Variants in SSBP3 observed in about 807,000 individuals in gnomAD.
The protein encoded by SSBP3 is single stranded DNA binding protein 3, also known as single-stranded DNA-binding protein 3.
SSBP3 carries 5 observed loss-of-function variants against 69.6 expected under a neutral mutation model. That is an observed-to-expected ratio of 0.07 (90% CI 0.04 to 0.15). The LOEUF is 0.15. Among genes scored for constraint, SSBP3 ranks in the 10% least tolerant of loss-of-function variants. The probability of loss-of-function intolerance (pLI) is 1.00; values close to 1 mark genes in which losing one functional copy is unlikely to be tolerated. For synonymous variants in SSBP3, 196 were observed against 193.4 expected (o/e 1.01, Z -0.11); for missense variants, 312 against 534.0 (o/e 0.58, Z 4.10).
At chr1:54,387,285 A>G (rs893659057) in intron 4 of SSBP3, among the ~76,000 whole-genome samples, 11 of 152,224 alleles carry the variant, frequency 7.2e-5, no homozygotes, top group African/African-American at 2.7e-4. Context: ...AAAGAACTCA[A>G]TGATTCGACT....
chr1:54,253,192 GT>G (rs554412710), intron 7 of SSBP3, among the ~76,000 whole-genome samples: 55 of 132,904 alleles, frequency 4.1e-4, no homozygotes, highest in East Asian at 1.3e-3. Context: ...TTTAGTTTTT[GT>G]TTTTTTTTTT....
In SSBP3 at chr1:54,383,609, C is replaced by A. The variant is rs535709157; in HGVS notation, c.276+18252G>T. ...AAAGGTCAACTGTAGACTTGTATGACCTGATAAAATCGCCACCAACCCTGA... is the reference window on the plus strand; with the variant it reads ...AAAGGTCAACTGTAGACTTGTATGAACTGATAAAATCGCCACCAACCCTGA... On this transcript the variant is annotated intron_variant, in intron 4 of 17. Coordinates refer to ENST00000610401, the Ensembl canonical transcript of SSBP3. 4.6e-5 allele frequency among the ~76,000 whole-genome samples: 7 copies of A among 152,214 alleles called. No individual in the cohort carries two copies. The East Asian group carries it at 1.4e-3, about 29-fold the overall frequency.
chr1:54,259,685 G>A (rs1644984824), intron 5 of SSBP3, among the ~76,000 whole-genome samples: 1 of 152,254 alleles, frequency 6.6e-6, no homozygotes, highest in Admixed American at 6.5e-5. Context: ...CTGCCCACTG[G>A]GGAGGAGGGG....
At chr1:54,277,426 C>T (rs1645308882) in intron 5 of SSBP3, among the ~76,000 whole-genome samples, 2 of 152,186 alleles carry the variant, frequency 1.3e-5, no homozygotes, top group Non-Finnish European at 2.9e-5. Flanking sequence ...TTCCGCCATC[C>T]AATCAGATGT....
At chr1:54,326,692 G>T (rs937457788) in intron 4 of SSBP3, among the ~76,000 whole-genome samples, 5 of 152,158 alleles carry the variant, frequency 3.3e-5, no homozygotes, top group African/African-American at 9.7e-5. Flanking sequence ...TACCCAGGCC[G>T]TTCCACCCAT....
intron 4 of SSBP3, among the ~76,000 whole-genome samples, chr1:54,322,592 G>A (rs1202876006): frequency 2.6e-5 from 4 of 151,734 alleles, no homozygotes; most frequent in African/African-American, 9.7e-5. Context: ...CAGGAACATG[G>A]GATCTACATT....
intron 4 of SSBP3, among the ~76,000 whole-genome samples, chr1:54,362,251 C>T (rs1466589640): frequency 2.0e-5 from 3 of 152,206 alleles, no homozygotes; most frequent in African/African-American, 7.2e-5. Flanking sequence ...AGCTCAGTAA[C>T]CCTGCCAGCA....
intron 4 of SSBP3, among the ~76,000 whole-genome samples, chr1:54,315,123 T>C (rs1646072318): frequency 6.6e-6 from 1 of 152,040 alleles, no homozygotes; most frequent in Admixed American, 6.5e-5. Context: ...CCCATAAACA[T>C]TACTGAACAA....
intron 1 of SSBP3, among the ~76,000 whole-genome samples, chr1:54,411,697 C>G (rs1210611277): frequency 6.6e-6 from 1 of 151,804 alleles, no homozygotes; most frequent in Non-Finnish European, 1.5e-5. Flanking sequence ...TCGAGACCAT[C>G]CTGGCTAACA....
intron 4 of SSBP3, among the ~76,000 whole-genome samples, chr1:54,289,364 CCT>C (rs67475376): frequency 0.071 from 10,583 of 149,894 alleles, 600 homozygotes; most frequent in Admixed American, 0.16. Flanking sequence ...GGCAAATTAC[CCT>C]GAGAGGAGGA....
intron 4 of SSBP3, among the ~76,000 whole-genome samples, chr1:54,378,589 G>T (rs760774559): frequency 1.7e-4 from 26 of 152,202 alleles, no homozygotes; most frequent in Non-Finnish European, 2.5e-4. Context: ...AACAGTCAAC[G>T]CCAAACTTCA....
chr1:54,340,795 C>T (rs778866127), intron 4 of SSBP3, among the ~76,000 whole-genome samples: 1 of 152,206 alleles, frequency 6.6e-6, no homozygotes, highest in Non-Finnish European at 1.5e-5. Context: ...CACTCCCATA[C>T]CAGCCCAGAG....
Position 54,281,798 on chromosome 1 carries a change from C to T in SSBP3, c.277-271G>A, listed in dbSNP as rs369450497. Among the ~76,000 whole-genome samples the T allele has an allele frequency of 9.3e-4, 141 of 152,168 alleles. 1 individual carries two copies. Among genetic ancestry groups the T allele is most frequent in the African/African-American group, 3.1e-3 (129 of 41,506 alleles). ...AACGAATTCCGAGGCTCTTTTTCCT[C>T]ATCTCTAAAATGGGAGGGCCGGATG... is the stretch of plus-strand genomic sequence containing the variant. On this transcript the variant is annotated intron_variant, in intron 4 of 17. Transcript: ENST00000610401.
chr1:54,245,460 C>G (rs1333683213), intron 9 of SSBP3, among the ~76,000 whole-genome samples: 1 of 152,192 alleles, frequency 6.6e-6, no homozygotes. Flanking sequence ...GACCTGGAGC[C>G]TGACACACAC....
At chr1:54,247,788 C>T (rs1338563735) in intron 9 of SSBP3, among the ~76,000 whole-genome samples, 1 of 152,198 alleles carries the variant, frequency 6.6e-6, no homozygotes, top group Non-Finnish European at 1.5e-5. Flanking sequence ...CTAAGTCCAA[C>T]CAGGAGCCCC....
intron 4 of SSBP3, among the ~76,000 whole-genome samples, chr1:54,337,056 C>T (rs1278862078): frequency 6.6e-6 from 1 of 152,232 alleles, no homozygotes; most frequent in Non-Finnish European, 1.5e-5. Flanking sequence ...CCCAAGCCAA[C>T]CAAGCAAAGT....
At chr1:54,398,701 C>A (rs577757875) in intron 4 of SSBP3, among the ~76,000 whole-genome samples, 62 of 152,306 alleles carry the variant, frequency 4.1e-4, no homozygotes, top group Non-Finnish European at 7.6e-4. Context: ...AAGGAAATTA[C>A]AATGGGACCG....
At chr1:54,246,688 C>T (rs191350788) in intron 9 of SSBP3, among the ~76,000 whole-genome samples, 20 of 152,302 alleles carry the variant, frequency 1.3e-4, no homozygotes, top group Admixed American at 1.2e-3. Flanking sequence ...CCAGTCCTGC[C>T]GCCTATAGAG....
intron 9 of SSBP3, among the ~76,000 whole-genome samples, chr1:54,250,714 C>G (rs1277745336): frequency 6.6e-6 from 1 of 152,208 alleles, no homozygotes; most frequent in East Asian, 1.9e-4. Flanking sequence ...AGACTTCCAG[C>G]TTCCTTTAGT....
Sources: gnomAD v4.1 joint callset for allele counts (sites outside exome capture counted in the v4.1 genomes callset) on GRCh38, gnomAD v4.1.1 for gene constraint, MANE v1.5 for transcripts, NCBI Gene and HGNC (gene_info 2026-07-23, HGNC 2026-07-21) for gene names.